The following PLIN1 variants were observed in gnomAD, a reference collection of about 807,000 sequenced individuals.
PLIN1 encodes perilipin 1.
PLIN1 carries 37 observed loss-of-function variants against 45.8 expected under a neutral mutation model. The observed-to-expected ratio is 0.81, with a 90% CI of 0.62 to 1.06. PLIN1 has a LOEUF of 1.06. PLIN1 is among the 50% of genes least tolerant of loss of function. The probability of loss-of-function intolerance (pLI) is 0.00; values close to 1 mark genes in which losing one functional copy is unlikely to be tolerated. For synonymous variants in PLIN1, 340 were observed against 309.2 expected, an observed-to-expected ratio of 1.10 and a Z score of -1.05; for missense variants, 776 against 716.5, an observed-to-expected ratio of 1.08 and a Z score of -0.95.
Position 89,665,769 on chromosome 15 carries a change from G to T in PLIN1, c.1383C>A (p.Ser461Arg). The change falls in exon 9 of 9, where the codon AGC becomes AGA. Residue 461 changes from serine (S) to arginine (R), a missense_variant. Ser to Arg is a moderately radical substitution (Grantham distance 110). Transcript: ENST00000300055. The part of the protein sequence containing the change: ...QPRRSLRSAQ[S>R]PGAPPGPGLE... Reference sequence around the variant, plus strand: ...GGCCCGGGCCGGGGGGCGCGCCGGGGCTCTGCGCGCTGCGCAGGCTGCGGC... The same window carrying T: ...GGCCCGGGCCGGGGGGCGCGCCGGGTCTCTGCGCGCTGCGCAGGCTGCGGC... The T allele has an allele frequency of 1.6e-6, 2 of 1,270,074 alleles. No individual in the cohort carries two copies. Among genetic ancestry groups the T allele is most frequent in the Non-Finnish European group, 2.0e-6 (2 of 1,013,608 alleles). The allele number at this position is 1,270,074 out of a possible 1,614,324, so 78.7% of individuals were successfully genotyped here.
chr15:89,666,586 C>T lies in PLIN1; in HGVS notation c.1209+350G>A, dbSNP rs533690281. ...CAGGGTGCCCTGGAAGCCTCTCCAA[C>T]CCCTTCCCAGGCAGCAGCATGCAAA... On this transcript the variant is annotated intron_variant, in intron 8 of 8. Coordinates refer to ENST00000300055, the MANE Select transcript of PLIN1 (RefSeq NM_002666.5). Among the ~76,000 whole-genome samples the T allele has an allele frequency of 2.0e-4, 30 of 152,314 alleles. No individual in the cohort carries two copies. In the East Asian group the frequency reaches 5.6e-3, roughly 29 times the overall value.
In PLIN1 at chr15:89,667,810, G is replaced by A. The variant is rs1378607130; in HGVS notation, c.772-17C>T. The A allele has an allele frequency of 1.9e-6, 3 of 1,548,922 alleles. No homozygotes were observed. In the African/African-American group the frequency reaches 4.1e-5, roughly 21 times the overall value. ...CAGGCTGCTCTGAGGGAGGATGGCAGCAGATAGCTGGCTCAACTGCCCCTG... is the reference window on the plus strand; with the variant it reads ...CAGGCTGCTCTGAGGGAGGATGGCAACAGATAGCTGGCTCAACTGCCCCTG... On this transcript the variant is annotated splice_polypyrimidine_tract_variant and intron_variant, in intron 6 of 8. Transcript: ENST00000300055.
rs552192714 is a variant in PLIN1, at chr15:89,677,227, G to A, written c.45+218C>T. 15 of 599,378 alleles carry A rather than the reference G, an allele frequency of 2.5e-5. No homozygotes were observed. In the South Asian group the frequency reaches 2.8e-4, roughly 11 times the overall value. The allele number at this position is 599,378 out of a possible 1,614,324, so 37.1% of individuals were successfully genotyped here. On this transcript the variant is annotated intron_variant, in intron 2 of 8. Transcript: ENST00000300055. ...GATTTCTGTCCCTTTTTTTCAAGGT[G>A]CTTAATTTTTAATAGGCATCTTTTT...
chr15:89,669,676 G>A lies in PLIN1; in HGVS notation c.599-4C>T. The A allele has an allele frequency of 6.2e-7, 1 of 1,613,764 alleles. No individual in the cohort carries two copies. The highest frequency in any genetic ancestry group is 8.5e-7 in the Non-Finnish European group (1 of 1,179,858). On this transcript the variant is annotated splice_region_variant and splice_polypyrimidine_tract_variant and intron_variant, in intron 5 of 8. Coordinates refer to ENST00000300055, the MANE Select transcript of PLIN1 (RefSeq NM_002666.5). ...TGCTGGTGTCCAGGAGCAGGGGCTG[G>A]GTAGGGATTTGGGGGGAAAGAAGAG...
At chr15:89,667,467 G>T in intron 7 of PLIN1, 135 bp downstream of exon 7, 1 of 1,361,154 alleles carries the variant, frequency 7.3e-7, no homozygotes, top group Non-Finnish European at 1.0e-6. Context: ...GGGCATTTGG[G>T]GGTGGGGTGA....
At chr15:89,673,150 G>T in intron 3 of PLIN1, 60 bp downstream of exon 3, 2 of 1,280,494 alleles carry the variant, frequency 1.6e-6, no homozygotes, top group Non-Finnish European at 2.2e-6. Context: ...GAGGCGGACA[G>T]ACAGACTGGA....
At chr15:89,676,473 T>G (rs1168284932) in intron 2 of PLIN1, among the ~76,000 whole-genome samples, 2 of 152,198 alleles carry the variant, frequency 1.3e-5, no homozygotes, top group Non-Finnish European at 2.9e-5. Context: ...GGTCTTGATC[T>G]CCTGACCTTG....
Position 89,665,109 on chromosome 15 carries a change from A to G in PLIN1, c.*474T>C, listed in dbSNP as rs1964310384. On this transcript the variant is annotated 3_prime_UTR_variant, in exon 9 of 9. Coordinates refer to ENST00000300055, the MANE Select transcript of PLIN1 (RefSeq NM_002666.5). The stretch of plus-strand genomic sequence containing the variant: ...ATCAGAGGATGTTCATCAGAGGGGG[A>G]ACAGATCATCCTAGATCACAGAGGA... 2.8e-6 allele frequency: 1 copy of G among 362,604 alleles called. No homozygotes were observed. Among genetic ancestry groups the G allele is most frequent in the Admixed American group, 3.6e-5 (1 of 27,874 alleles). The allele number at this position is 362,604 out of a possible 1,614,324, so 22.5% of individuals were successfully genotyped here.
intron 3 of PLIN1, 89 bp downstream of exon 3, chr15:89,673,121 A>T: frequency 1.0e-6 from 1 of 989,488 alleles, no homozygotes; most frequent in Non-Finnish European, 1.5e-6. Context: ...GCAAGTTATC[A>T]GACAGTCAGA....
Position 89,670,171 on chromosome 15 carries a change from G to T in PLIN1, c.407C>A (p.Ala136Glu). ...CCCCAGGACCTTGTCTGAAGTGCTC[G>T]CGATGGGAACGCTGATGCTGTTTCT... The part of the protein sequence containing the change: ...SARNSISVPI[A>E]STSDKVLGAA... The change falls in exon 5 of 9, where the codon GCG (alanine) becomes GAG (glutamate). Residue 136 changes from alanine to glutamate, a missense_variant. By Grantham distance (107) the Ala-to-Glu change is moderately radical. Transcript: ENST00000300055. 2.5e-6 allele frequency: 4 copies of T among 1,614,038 alleles called. No homozygotes were observed. Among genetic ancestry groups the T allele is most frequent in the Non-Finnish European group, 3.4e-6 (4 of 1,179,978 alleles).
chr15:89,675,580 C>T (rs917841987), intron 2 of PLIN1, among the ~76,000 whole-genome samples: 8 of 151,582 alleles, frequency 5.3e-5, no homozygotes, highest in South Asian at 2.1e-4. Flanking sequence ...GCACTCCAGC[C>T]GGGGTGACAG....
rs8179049 is a variant in PLIN1 at position 89,677,171 on chromosome 15, T to C, written c.45+274A>G. On this transcript the variant is annotated intron_variant, in intron 2 of 8. Coordinates refer to ENST00000300055, the MANE Select transcript of PLIN1 (RefSeq NM_002666.5). ...CGTCAGGGTTTAAACAGTAGTTTCC[T>C]TCCTCTCCACTCCCCCCGTCCCTAA... 0.033 allele frequency: 17,445 copies of C among 529,612 alleles called. 431 individuals are homozygous for C. The highest frequency in any genetic ancestry group is 0.045 in the Middle Eastern group (93 of 2,078). The allele number at this position is 529,612 out of a possible 1,614,324, so 32.8% of individuals were successfully genotyped here. A position where few individuals can be genotyped will look rare whatever the true frequency, so the allele number is the denominator to read the frequency against.
intron 8 of PLIN1, 24 bp downstream of exon 8, chr15:89,666,912 C>T: frequency 1.2e-6 from 2 of 1,613,444 alleles, no homozygotes; most frequent in Non-Finnish European, 1.7e-6. Flanking sequence ...GGGACACTAA[C>T]AGTTTGCCAG....
rs759801892 is a variant in PLIN1, at chr15:89,667,101, C to A, written c.1044G>T (p.Ser348=). The A allele has an allele frequency of 3.1e-6, 5 of 1,613,966 alleles. No individual in the cohort carries two copies. Among genetic ancestry groups the A allele is most frequent in the Non-Finnish European group, 3.4e-6 (4 of 1,180,014 alleles). The change falls in exon 8 of 9, where the codon TCG becomes TCT. Residue 348 remains serine, a synonymous_variant. Transcript: ENST00000300055. ...TLQKTLQTTI[S]AVTWAPAAVL... ...CAGCTGCAGGTGCCCATGTCACAGC[C>A]GAGATGGTGGTCTGGAGGGTCTTCT...
In PLIN1 at chr15:89,673,415, C is replaced by G. The variant is rs111692717; in HGVS notation, c.46-1G>C. On this transcript the variant is annotated splice_acceptor_variant, in intron 2 of 8. Coordinates refer to ENST00000300055, the MANE Select transcript of PLIN1 (RefSeq NM_002666.5). LOFTEE classifies it high-confidence loss of function. Reference sequence around the variant, plus strand: ...CCCGCTGCAGCACATTCTCCTGCTCCTGGTGCGGAAGGAACACATTCAAGT... The same window carrying G: ...CCCGCTGCAGCACATTCTCCTGCTCGTGGTGCGGAAGGAACACATTCAAGT... 1.9e-6 allele frequency: 3 copies of G among 1,594,904 alleles called. No individual in the cohort carries two copies. The highest frequency in any genetic ancestry group is 2.6e-6 in the Non-Finnish European group (3 of 1,170,326).
chr15:89,666,457 C>CAT (rs1964342364), intron 8 of PLIN1, among the ~76,000 whole-genome samples: 2 of 152,190 alleles, frequency 1.3e-5, no homozygotes, highest in African/African-American at 4.8e-5. Flanking sequence ...GAAAGGGGCT[C>CAT]CCAAAGGGAT....
chr15:89,665,751 G>T lies in PLIN1; in HGVS notation c.1401C>A (p.Gly467=). 7.5e-7 allele frequency: 1 copy of T among 1,329,274 alleles called. No individual in the cohort carries two copies. The highest frequency in any genetic ancestry group is 9.6e-7 in the Non-Finnish European group (1 of 1,046,040). The allele number at this position is 1,329,274 out of a possible 1,614,324, so 82.3% of individuals were successfully genotyped here. The part of the protein sequence containing the change: ...RSAQSPGAPP[G]PGLEDEVATP... ...TGGCGACTTCGTCCTCCAGGCCCGG[G>T]CCGGGGGGCGCGCCGGGGCTCTGCG... The change falls in exon 9 of 9, where the codon GGC becomes GGA. Residue 467 remains glycine, a synonymous_variant. Transcript: ENST00000300055.
Position 89,665,528 on chromosome 15 carries a change from T to C in PLIN1, c.*55A>G. Reference sequence around the variant, plus strand: ...ACGCTCGCCTGGGCAGTGCGGGTTCTGTTTATTTGTTAGAGAAACCCGCCG... The same window carrying C: ...ACGCTCGCCTGGGCAGTGCGGGTTCCGTTTATTTGTTAGAGAAACCCGCCG... On this transcript the variant is annotated 3_prime_UTR_variant, in exon 9 of 9. Coordinates refer to ENST00000300055, the MANE Select transcript of PLIN1 (RefSeq NM_002666.5). 1 of 1,509,362 alleles carries C rather than the reference T, an allele frequency of 6.6e-7. No individual in the cohort carries two copies. The highest frequency in any genetic ancestry group is 8.9e-7 in the Non-Finnish European group (1 of 1,129,052). 93.5% of individuals were successfully genotyped at this position (1,509,362 alleles called of 1,614,324 possible). A position where few individuals can be genotyped will look rare whatever the true frequency, so the allele number is the denominator to read the frequency against.
chr15:89,677,153 G>T (rs1964531393), intron 2 of PLIN1: 1 of 493,006 alleles, frequency 2.0e-6, no homozygotes, highest in Non-Finnish European at 3.7e-6. Context: ...CTGCGTCAGG[G>T]TTTAAACAGT....
Sources: allele counts gnomAD v4.1 joint callset (sites outside exome capture counted in the v4.1 genomes callset), GRCh38; gene constraint gnomAD v4.1.1; transcripts MANE v1.5; gene names NCBI Gene and HGNC (gene_info 2026-07-23, HGNC 2026-07-21).